ZNF362: variants seen among roughly 807,000 people sequenced by gnomAD.
ZNF362 encodes zinc finger protein 362, also known as rotund homolog.
In ZNF362, 11 loss-of-function variants were observed where a neutral mutation model predicts 42.9. That is an observed-to-expected ratio of 0.26 (90% CI 0.16 to 0.42). ZNF362 has a LOEUF of 0.42. Ranked by LOEUF, ZNF362 falls within the 20% of genes least tolerant of loss-of-function variation. The pLI is 1.00. For synonymous variants in ZNF362, 255 were observed against 257.3 expected, an observed-to-expected ratio of 0.99 and a Z score of 0.09; for missense variants, 362 against 576.2, an observed-to-expected ratio of 0.63 and a Z score of 3.81.
intron 1 of ZNF362, among the ~76,000 whole-genome samples, chr1:33,270,000 G>A (rs1645890409): frequency 6.6e-6 from 1 of 152,184 alleles, no homozygotes; most frequent in Non-Finnish European, 1.5e-5. Context: ...CCGGTTTCAA[G>A]TTCAGACTCA....
At chr1:33,284,239 C>A (rs2148115752) in intron 6 of ZNF362, among the ~76,000 whole-genome samples, 1 of 152,332 alleles carries the variant, frequency 6.6e-6, no homozygotes, top group Non-Finnish European at 1.5e-5. Flanking sequence ...GTCCGGTTTC[C>A]TGGAGGCCCG....
chr1:33,234,206 A>G, the ZNF362 span, among the ~76,000 whole-genome samples: 1 of 152,156 alleles, frequency 6.6e-6, no homozygotes, highest in African/African-American at 2.4e-5. Flanking sequence ...CTTGGGCTCC[A>G]ATCCTAGCTG....
At chr1:33,138,623 C>CA in the ZNF362 span, among the ~76,000 whole-genome samples, 2 of 55,010 alleles carry the variant, frequency 3.6e-5, no homozygotes, top group African/African-American at 8.3e-5. Flanking sequence ...ACAACAACAA[C>CA]AACAAAAAAA....
chr1:33,199,316 A>G, the ZNF362 span, among the ~76,000 whole-genome samples: 1 of 36,628 alleles, frequency 2.7e-5, no homozygotes, highest in South Asian at 1.9e-3. Context: ...ACAAAGAATG[A>G]CAGTAGATTT....
chr1:33,166,863 T>C, the ZNF362 span, among the ~76,000 whole-genome samples: 1 of 152,218 alleles, frequency 6.6e-6, no homozygotes, highest in Non-Finnish European at 1.5e-5. Flanking sequence ...CTGGCCTTGT[T>C]TGAAATGTTG....
At chr1:33,265,304 C>A (rs1435705186) in intron 1 of ZNF362, among the ~76,000 whole-genome samples, 4 of 151,448 alleles carry the variant, frequency 2.6e-5, no homozygotes, top group Non-Finnish European at 4.4e-5. Flanking sequence ...GAATGGGGGG[C>A]CCAGAGGTTG....
chr1:33,239,541 G>A, the ZNF362 span, among the ~76,000 whole-genome samples: 2 of 152,160 alleles, frequency 1.3e-5, no homozygotes, highest in Admixed American at 1.3e-4. Context: ...CATGGCTGGG[G>A]AGGCTTCAGG....
chr1:33,279,033 AT>A lies in ZNF362; in HGVS notation c.350-1083del, dbSNP rs567038370. Among the ~76,000 whole-genome samples, 389 of 151,992 alleles carry A rather than the reference AT, an allele frequency of 2.6e-3. 2 individuals carry two copies. Among genetic ancestry groups the A allele is most frequent in the African/African-American group, 9.1e-3 (376 of 41,438 alleles). On this transcript the variant is annotated intron_variant, in intron 4 of 8. Coordinates refer to ENST00000539719, the MANE Select transcript of ZNF362 (RefSeq NM_152493.3). ...ACATTAAAATTTATTTAAATTAATT[AT>A]TTTTTTTAAGAGTAGGGTCTTGTTC... is the stretch of plus-strand genomic sequence containing the variant.
the ZNF362 span, among the ~76,000 whole-genome samples, chr1:33,223,151 T>C: frequency 6.6e-6 from 1 of 152,072 alleles, no homozygotes; most frequent in Non-Finnish European, 1.5e-5. Context: ...CTCAGGAGGC[T>C]GAGGCAGGAG....
At chr1:33,251,214 A>G in the ZNF362 span, among the ~76,000 whole-genome samples, 2 of 152,190 alleles carry the variant, frequency 1.3e-5, no homozygotes, top group African/African-American at 4.8e-5. Context: ...CATGGTGAAC[A>G]TGCTGGGGAT....
At chr1:33,206,868 C>T in the ZNF362 span, among the ~76,000 whole-genome samples, 1 of 152,160 alleles carries the variant, frequency 6.6e-6, no homozygotes, top group African/African-American at 2.4e-5. Context: ...CAAATTAAAA[C>T]TACAATAAGA....
the ZNF362 span, among the ~76,000 whole-genome samples, chr1:33,134,813 A>T: frequency 2.0e-5 from 3 of 152,172 alleles, no homozygotes; most frequent in Non-Finnish European, 4.4e-5. Context: ...TCAGCTCTGA[A>T]ACAGTCCTGT....
intron 2 of ZNF362, among the ~76,000 whole-genome samples, chr1:33,271,814 G>C (rs191368155): frequency 9.5e-4 from 145 of 152,342 alleles, no homozygotes; most frequent in Non-Finnish European, 1.5e-3. Flanking sequence ...GTGTCTGCAG[G>C]AGCATCTGGG....
At chr1:33,149,655 A>G in the ZNF362 span, among the ~76,000 whole-genome samples, 2 of 151,914 alleles carry the variant, frequency 1.3e-5, no homozygotes, top group African/African-American at 4.8e-5. Flanking sequence ...AGGTTTCGCA[A>G]TGTTGGCCAG....
the ZNF362 span, among the ~76,000 whole-genome samples, chr1:33,222,274 TC>T: frequency 6.6e-6 from 1 of 152,094 alleles, no homozygotes; most frequent in Non-Finnish European, 1.5e-5. Flanking sequence ...ATTGCTCAAG[TC>T]CTTTTGGCCC....
intron 4 of ZNF362, 40 bp downstream of exon 4, chr1:33,276,634 TG>T: frequency 7.7e-7 from 1 of 1,298,358 alleles, no homozygotes. Context: ...CGGTGAGGAC[TG>T]GGCAGGAGGG....
the ZNF362 span, among the ~76,000 whole-genome samples, chr1:33,224,608 C>T: frequency 6.6e-6 from 1 of 151,714 alleles, no homozygotes; most frequent in Non-Finnish European, 1.5e-5. Context: ...TTTGAAGAGA[C>T]CTATAATTGC....
rs1167474054 is a variant in ZNF362, at chr1:33,256,578, A to AGCCCCAGCCCG, written c.-160_-150dup. 6.8e-6 allele frequency: 1 copy of AGCCCCAGCCCG among 146,738 alleles called. No homozygotes were observed. Among genetic ancestry groups the AGCCCCAGCCCG allele is most frequent in the Non-Finnish European group, 1.5e-5 (1 of 66,176 alleles). 9.1% of individuals were successfully genotyped at this position (146,738 alleles called of 1,614,324 possible). On this transcript the variant is annotated 5_prime_UTR_variant, in exon 1 of 9. Transcript: ENST00000539719. ...AGCCCGAGCCCGGAGCCTGTGCCGG[A>AGCCCCAGCCCG]GCCCCAGCCCGGCCCTGCTCGGGCC...
the ZNF362 span, among the ~76,000 whole-genome samples, chr1:33,222,855 G>A: frequency 6.6e-6 from 1 of 152,178 alleles, no homozygotes; most frequent in Non-Finnish European, 1.5e-5. Flanking sequence ...CCCATGTGTT[G>A]TGAGAGGGAC....
Sources: gnomAD v4.1 joint callset for allele counts (sites outside exome capture counted in the v4.1 genomes callset) on GRCh38, gnomAD v4.1.1 for gene constraint, MANE v1.5 for transcripts, NCBI Gene and HGNC (gene_info 2026-07-23, HGNC 2026-07-21) for gene names.